Variants in MAP2K5 observed in about 807,000 individuals in gnomAD.
The protein encoded by MAP2K5 is mitogen-activated protein kinase kinase 5.
A neutral mutation model predicts 83.1 loss-of-function variants in MAP2K5; 49 were observed. The ratio of observed to expected loss-of-function variants is 0.59; its 90% CI spans 0.47 to 0.75. The LOEUF (loss-of-function observed/expected upper bound fraction) is 0.75. Among genes scored for constraint, MAP2K5 ranks in the 30% least tolerant of loss-of-function variants. The pLI, the probability that MAP2K5 is intolerant of heterozygous loss-of-function variation, is 0.00. For synonymous variants in MAP2K5, 202 were observed against 191.8 expected, an observed-to-expected ratio of 1.05 and a Z score of -0.44; for missense variants, 457 against 557.5, an observed-to-expected ratio of 0.82 and a Z score of 1.82.
rs1217906511 is a variant in MAP2K5 at position 67,722,947 on chromosome 15, C to A, written c.1045-4969C>A. 2.0e-5 allele frequency among the ~76,000 whole-genome samples: 3 copies of A among 152,086 alleles called. No homozygotes were observed. Among genetic ancestry groups the A allele is most frequent in the South Asian group, 2.1e-4 (1 of 4,822 alleles). The stretch of plus-strand genomic sequence containing the variant: ...TGCTTATTTTCAATTTGTAGTTATG[C>A]CGAGAAACATAGAATATGTCTAAAT... On this transcript the variant is annotated intron_variant, in intron 16 of 21. Coordinates refer to ENST00000178640, the MANE Select transcript of MAP2K5 (RefSeq NM_145160.3). The surrounding 1 kb of genome is among the most constrained non-coding windows in gnomAD (Gnocchi z 4.2).
chr15:67,562,559 A>T lies in MAP2K5; in HGVS notation c.185-724A>T, dbSNP rs894605108. On this transcript the variant is annotated intron_variant, in intron 2 of 21. Transcript: ENST00000178640. The surrounding 1 kb of genome is among the most constrained non-coding windows in gnomAD (Gnocchi z 4.1). ...TGAAGTCTTGTCCTCCAGCCTTAAG[A>T]CTTAAATTATTTCAAAATAGCATGA... Among the ~76,000 whole-genome samples the T allele has an allele frequency of 6.6e-6, 1 of 152,148 alleles. No individual in the cohort carries two copies. The highest frequency in any genetic ancestry group is 1.5e-5 in the Non-Finnish European group (1 of 68,030).
chr15:67,627,743 C>A, intron 8 of MAP2K5: 1 of 278,662 alleles, frequency 3.6e-6, no homozygotes, highest in Non-Finnish European at 6.7e-6. Context: ...TGAATGTTAT[C>A]ATATGTAAAT....
chr15:67,612,644 T>C (rs1051362429), intron 8 of MAP2K5, among the ~76,000 whole-genome samples: 2 of 152,204 alleles, frequency 1.3e-5, no homozygotes, highest in African/African-American at 4.8e-5. Flanking sequence ...ACCCTAGTCA[T>C]GATATGCCCA....
intron 1 of MAP2K5, chr15:67,548,993 A>C: frequency 7.1e-7 from 1 of 1,413,196 alleles, no homozygotes; most frequent in Non-Finnish European, 9.2e-7. Context: ...AATTGCCTTT[A>C]GAAGGAAGTT....
In MAP2K5 at chr15:67,748,882, C is replaced by T. The variant is rs1360018589; in HGVS notation, c.1134+281C>T. On this transcript the variant is annotated intron_variant, in intron 19 of 21. Coordinates refer to ENST00000178640, the MANE Select transcript of MAP2K5 (RefSeq NM_145160.3). The surrounding 1 kb of genome is among the most constrained non-coding windows in gnomAD (Gnocchi z 4.0). ...TAATATTAATTGACCCTCTCCCTGG[C>T]CAGATGGGGATGGAACTGGAAATTA... Among the ~76,000 whole-genome samples the T allele has an allele frequency of 1.3e-5, 2 of 152,130 alleles. No individual in the cohort carries two copies. The highest frequency in any genetic ancestry group is 6.5e-5 in the Admixed American group (1 of 15,274).
At chr15:67,624,210 G>A (rs577110678) in intron 8 of MAP2K5, among the ~76,000 whole-genome samples, 1 of 151,882 alleles carries the variant, frequency 6.6e-6, no homozygotes, top group Non-Finnish European at 1.5e-5. Context: ...GTGCTGGCGG[G>A]TACCTGTAGT....
Position 67,742,134 on chromosome 15 carries a change from G to A in MAP2K5, c.1075-6097G>A, listed in dbSNP as rs561414061. Among the ~76,000 whole-genome samples, 20 of 152,106 alleles carry A rather than the reference G, an allele frequency of 1.3e-4. No individual in the cohort carries two copies. In the South Asian group the frequency reaches 3.3e-3, roughly 25 times the overall value. The stretch of plus-strand genomic sequence containing the variant: ...TGGTCATGATCTGCCCTCGTGATCC[G>A]CCCGCCTCAGCCTCCCAAAGTGCTG... On this transcript the variant is annotated intron_variant, in intron 17 of 21. Coordinates refer to ENST00000178640, the MANE Select transcript of MAP2K5 (RefSeq NM_145160.3).
rs1301272988 is a variant in MAP2K5, at chr15:67,623,400, AC to A, written c.546-7487del. The stretch of plus-strand genomic sequence containing the variant: ...CAAAGTTGGTTCAACATGAAGTAAT[AC>A]TACGTGTTTAAGTTTTTCTTAACAA... On this transcript the variant is annotated intron_variant, in intron 8 of 21. Coordinates refer to ENST00000178640, the MANE Select transcript of MAP2K5 (RefSeq NM_145160.3). Among the ~76,000 whole-genome samples the A allele has an allele frequency of 3.3e-5, 5 of 152,316 alleles. No homozygotes were observed. In the East Asian group the frequency reaches 7.7e-4, roughly 23 times the overall value.
intron 13 of MAP2K5, among the ~76,000 whole-genome samples, chr15:67,675,313 AT>A (rs2087650982): frequency 6.6e-6 from 1 of 152,212 alleles, no homozygotes; most frequent in African/African-American, 2.4e-5. Context: ...GAACCTCCAG[AT>A]CATTATACTG....
In MAP2K5 at chr15:67,769,476, A is replaced by T; in HGVS notation, c.1135-126A>T. The T allele has an allele frequency of 1.3e-6, 1 of 768,812 alleles. No individual in the cohort carries two copies. Among genetic ancestry groups the T allele is most frequent in the Non-Finnish European group, 2.2e-6 (1 of 461,550 alleles). 47.6% of individuals were successfully genotyped at this position (768,812 alleles called of 1,614,324 possible). ...GAATAAGGTAAAGACAGTCTTTTTA[A>T]TTGGGTGAGGCCTTATTCTCATTGT... On this transcript the variant is annotated intron_variant, in intron 19 of 21. Coordinates refer to ENST00000178640, the MANE Select transcript of MAP2K5 (RefSeq NM_145160.3). The surrounding 1 kb of genome is among the most constrained non-coding windows in gnomAD (Gnocchi z 5.2).
intron 17 of MAP2K5, among the ~76,000 whole-genome samples, chr15:67,732,938 T>G (rs926412706): frequency 2.6e-5 from 4 of 152,176 alleles, no homozygotes; most frequent in African/African-American, 9.7e-5. Context: ...CCACGACTTG[T>G]AAGCAGATAG....
intron 8 of MAP2K5, among the ~76,000 whole-genome samples, chr15:67,611,301 A>G (rs1359962643): frequency 3.3e-5 from 5 of 152,182 alleles, no homozygotes; most frequent in African/African-American, 7.2e-5. Context: ...ATGAATTTTT[A>G]CCATAGACAC....
rs1245319137 is a variant in MAP2K5, at chr15:67,746,353, C to T, written c.1075-1878C>T. On this transcript the variant is annotated intron_variant, in intron 17 of 21. Transcript: ENST00000178640. This position sits in a 1 kb window ranked among gnomAD's most constrained non-coding sequence, Gnocchi z 4.1. ...TTGTGAAACACATTCTCTTTGATGT[C>T]AGAAATGGATTTCTGATTCTTTATT... is the stretch of plus-strand genomic sequence containing the variant. 1.3e-5 allele frequency among the ~76,000 whole-genome samples: 2 copies of T among 151,946 alleles called. No individual in the cohort carries two copies. The highest frequency in any genetic ancestry group is 2.9e-5 in the Non-Finnish European group (2 of 67,988).
rs780465426 is a variant in MAP2K5 at position 67,748,604 on chromosome 15, G to A, written c.1134+3G>A. ...TTCTGCAGTGCATTGTTGATGAGGTGAGGCATCGTCTTATGTGCTTTCACT... is the reference window on the plus strand; with the variant it reads ...TTCTGCAGTGCATTGTTGATGAGGTAAGGCATCGTCTTATGTGCTTTCACT... On this transcript the variant is annotated splice_donor_region_variant and intron_variant, in intron 19 of 21. Transcript: ENST00000178640. The surrounding 1 kb of genome is among the most constrained non-coding windows in gnomAD (Gnocchi z 4.0). 1 of 1,613,822 alleles carries A rather than the reference G, an allele frequency of 6.2e-7. No homozygotes were observed. Among genetic ancestry groups the A allele is most frequent in the African/African-American group, 1.3e-5 (1 of 75,018 alleles).
intron 15 of MAP2K5, among the ~76,000 whole-genome samples, chr15:67,696,042 G>T (rs750383582): frequency 6.6e-6 from 1 of 151,748 alleles, no homozygotes; most frequent in Non-Finnish European, 1.5e-5. Flanking sequence ...GGTGGGGGGA[G>T]GTGGAAATAA....
chr15:67,766,659 G>T (rs138592208), intron 19 of MAP2K5, among the ~76,000 whole-genome samples: 23 of 152,256 alleles, frequency 1.5e-4, no homozygotes, highest in African/African-American at 5.5e-4. Context: ...AAATAGGCAG[G>T]TTCTTGGAGA....
At chr15:67,734,236 T>C (rs1472802607) in intron 17 of MAP2K5, among the ~76,000 whole-genome samples, 2 of 152,366 alleles carry the variant, frequency 1.3e-5, no homozygotes, top group East Asian at 3.9e-4. Flanking sequence ...ATTAACATGA[T>C]CTAAGGTCCT....
At position 67,637,017 on chromosome 15, in the gene MAP2K5, G is replaced by A. The variant is rs79985409; in HGVS notation, c.585+6090G>A. 0.036 allele frequency among the ~76,000 whole-genome samples: 5,416 copies of A among 152,212 alleles called. 279 individuals carry two copies. Among genetic ancestry groups the A allele is most frequent in the African/African-American group, 0.12 (4,925 of 41,510 alleles). On this transcript the variant is annotated intron_variant, in intron 9 of 21. Coordinates refer to ENST00000178640, the MANE Select transcript of MAP2K5 (RefSeq NM_145160.3). This position sits in a 1 kb window ranked among gnomAD's most constrained non-coding sequence, Gnocchi z 4.5. Reference sequence around the variant, plus strand: ...CCTTCATCTTTCTTCCATGCTGGATGCTTCCTGACCTTGAACATCAGACTC... The same window carrying A: ...CCTTCATCTTTCTTCCATGCTGGATACTTCCTGACCTTGAACATCAGACTC...
In MAP2K5 at chr15:67,793,878, T is replaced by C. The variant is rs1259832237; in HGVS notation, c.1243-12768T>C. Among the ~76,000 whole-genome samples the C allele has an allele frequency of 1.3e-5, 2 of 152,238 alleles. No individual in the cohort carries two copies. Among genetic ancestry groups the C allele is most frequent in the Non-Finnish European group, 2.9e-5 (2 of 68,034 alleles). On this transcript the variant is annotated intron_variant, in intron 21 of 21. Transcript: ENST00000178640. The surrounding 1 kb of genome is among the most constrained non-coding windows in gnomAD (Gnocchi z 4.6). ...TCTGAGAGGACCAAAGAGTCATGAA[T>C]GTGCCAGGGAAAGTCCTTAGGTTCT...
Sources: gnomAD v4.1 joint callset for allele counts (sites outside exome capture counted in the v4.1 genomes callset) on GRCh38, gnomAD v4.1.1 for gene constraint, Gnocchi (gnomAD v3.1) non-coding constraint, MANE v1.5 for transcripts, NCBI Gene and HGNC (gene_info 2026-07-23, HGNC 2026-07-21) for gene names.